SPINT2: variants seen among roughly 807,000 people sequenced by gnomAD.
SPINT2 encodes serine peptidase inhibitor, Kunitz type 2.
A neutral mutation model predicts 30.1 loss-of-function variants in SPINT2; 18 were observed. The ratio of observed to expected loss-of-function variants is 0.60; its 90% confidence interval spans 0.41 to 0.89. The LOEUF is 0.89. SPINT2 is among the 40% of genes least tolerant of loss of function. The pLI is 0.00. For missense variants in SPINT2, 276 were observed against 334.3 expected, an observed-to-expected ratio of 0.83 and a Z score of 1.36; for synonymous variants, 139 against 137.9, an observed-to-expected ratio of 1.01 and a Z score of -0.05.
At position 38,290,903 on chromosome 19, in the gene SPINT2, G is replaced by A; in HGVS notation, c.592+328G>A. ...TGTGGAGGGAGCGCTGCTATGTGGGGCATAAGAGTTGGTCACGGGTGACAG... is the reference window on the plus strand; with the variant it reads ...TGTGGAGGGAGCGCTGCTATGTGGGACATAAGAGTTGGTCACGGGTGACAG... On this transcript the variant is annotated intron_variant, in intron 6 of 6. Transcript: ENST00000301244. This position sits in a 1 kb window ranked among gnomAD's most constrained non-coding sequence, Gnocchi z 4.3. 2.2e-6 allele frequency: 1 copy of A among 453,898 alleles called. No homozygotes were observed. Among genetic ancestry groups the A allele is most frequent in the East Asian group, 4.5e-5 (1 of 22,146 alleles). The allele number at this position is 453,898 out of a possible 1,614,324, so 28.1% of individuals were successfully genotyped here.
At chr19:38,274,751 G>C (rs1968495830) in intron 1 of SPINT2, among the ~76,000 whole-genome samples, 1 of 151,698 alleles carries the variant, frequency 6.6e-6, no homozygotes. Flanking sequence ...GGAGGCAGAG[G>C]TTGCAGTGAG....
intron 3 of SPINT2, 51 bp from the exon 4 acceptor site, chr19:38,289,087 C>G (rs1169520631): frequency 6.3e-7 from 1 of 1,575,882 alleles, no homozygotes; most frequent in East Asian, 2.2e-5. Context: ...CCAGCTAGGC[C>G]TGTGTCCTGT....
intron 1 of SPINT2, among the ~76,000 whole-genome samples, chr19:38,271,004 G>C (rs555698570): frequency 2.2e-4 from 33 of 152,238 alleles, no homozygotes; most frequent in African/African-American, 7.9e-4. Context: ...TCATTTCATG[G>C]TTTTTTTCTG....
intron 1 of SPINT2, among the ~76,000 whole-genome samples, chr19:38,268,381 A>C (rs763431540): frequency 7.2e-5 from 11 of 152,034 alleles, no homozygotes; most frequent in Non-Finnish European, 1.5e-4. Flanking sequence ...TAAACTGTCC[A>C]CTCCCAGGAA....
At chr19:38,285,795 C>T (rs931019761) in intron 2 of SPINT2, among the ~76,000 whole-genome samples, 2 of 152,154 alleles carry the variant, frequency 1.3e-5, no homozygotes, top group African/African-American at 2.4e-5. Flanking sequence ...GTATTTCTAT[C>T]GTCAGCTGTG....
chr19:38,290,585 C>T lies in SPINT2; in HGVS notation c.592+10C>T, dbSNP rs546798985. 3.1e-6 allele frequency: 5 copies of T among 1,613,636 alleles called. No homozygotes were observed. The highest frequency in any genetic ancestry group is 4.2e-6 in the Non-Finnish European group (5 of 1,179,858). On this transcript the variant is annotated intron_variant, in intron 6 of 6. Transcript: ENST00000301244. This position sits in a 1 kb window ranked among gnomAD's most constrained non-coding sequence, Gnocchi z 4.3. The stretch of plus-strand genomic sequence containing the variant: ...CCCCTTGGCTCAAAGGGTAAGTGGC[C>T]CCTTACCCTCCTCCTGCCATCAGCC...
chr19:38,283,866 G>T (rs1968611463), intron 2 of SPINT2, 69 bp downstream of exon 2: 1 of 1,372,808 alleles, frequency 7.3e-7, no homozygotes, highest in Non-Finnish European at 9.7e-7. Flanking sequence ...TTTTGAGACG[G>T]AGTCTTGCTC....
chr19:38,288,393 C>T (rs979647164), intron 3 of SPINT2: 6 of 299,528 alleles, frequency 2.0e-5, no homozygotes, highest in African/African-American at 4.3e-5. Flanking sequence ...CCCGCCACTG[C>T]AGCTTGTGAT....
chr19:38,289,280 A>T (rs1331710358), intron 4 of SPINT2, 89 bp downstream of exon 4: 2 of 1,114,086 alleles, frequency 1.8e-6, no homozygotes, highest in African/African-American at 3.1e-5. Context: ...CGAGGTCAGG[A>T]TATCAAGACC....
At chr19:38,277,739 T>TC (rs1244743099) in intron 1 of SPINT2, among the ~76,000 whole-genome samples, 1 of 152,244 alleles carries the variant, frequency 6.6e-6, no homozygotes, top group Non-Finnish European at 1.5e-5. Context: ...ACATTCAGAA[T>TC]GCCTGCGAGG....
chr19:38,276,250 G>A (rs1309239015), intron 1 of SPINT2, among the ~76,000 whole-genome samples: 1 of 152,186 alleles, frequency 6.6e-6, no homozygotes, highest in Non-Finnish European at 1.5e-5. Flanking sequence ...TGTCCTGCAC[G>A]TGGTGAGGCA....
rs1191837819 is a variant in SPINT2, at chr19:38,288,086, C to T, written c.337+151C>T. ...CCGGGGGCTCTGCCTGGGCTGCCGG[C>T]TTCTGGCTCCAGCATCCTTATGGGG... On this transcript the variant is annotated intron_variant, in intron 3 of 6. Coordinates refer to ENST00000301244, the MANE Select transcript of SPINT2 (RefSeq NM_021102.4). 4 of 813,252 alleles carry T rather than the reference C, an allele frequency of 4.9e-6. No individual in the cohort carries two copies. In the African/African-American group the frequency reaches 6.8e-5, roughly 14 times the overall value. The allele number at this position is 813,252 out of a possible 1,614,324, so 50.4% of individuals were successfully genotyped here.
In SPINT2 at chr19:38,290,484, G is replaced by T; in HGVS notation, c.554-53G>T. On this transcript the variant is annotated intron_variant, in intron 5 of 6. Transcript: ENST00000301244. This position sits in a 1 kb window ranked among gnomAD's most constrained non-coding sequence, Gnocchi z 4.3. ...CTGGCTGAGGGGATCCCCTGCGGCA[G>T]CTCTGTGGAATGGGGGCTGTGAGCT... is the stretch of plus-strand genomic sequence containing the variant. 2 of 1,613,762 alleles carry T rather than the reference G, an allele frequency of 1.2e-6. No homozygotes were observed. The highest frequency in any genetic ancestry group is 2.2e-5 in the South Asian group (2 of 91,078).
chr19:38,268,349 A>C (rs986266798), intron 1 of SPINT2, among the ~76,000 whole-genome samples: 8 of 152,260 alleles, frequency 5.3e-5, no homozygotes, highest in Non-Finnish European at 7.4e-5. Context: ...TACCGTCTGG[A>C]GTGGAAAGCA....
Position 38,264,968 on chromosome 19 carries a change from C to T in SPINT2, c.76C>T (p.Leu26=). The stretch of plus-strand genomic sequence containing the variant: ...GGGATCGCTGCTCCTCTCTGGGGTC[C>T]TGGCGGCCGACCGAGAACGCAGCAT... ...LLGSLLLSGV[L]AADRERSIHD... is the part of the protein sequence containing the mutation. Residue 26 remains leucine (L), a synonymous_variant, in exon 1 of 7, where the codon CTG becomes TTG. Transcript: ENST00000301244. The T allele has an allele frequency of 6.5e-7, 1 of 1,535,186 alleles. No individual in the cohort carries two copies. The highest frequency in any genetic ancestry group is 8.7e-7 in the Non-Finnish European group (1 of 1,145,026).
At chr19:38,267,290 C>T (rs1968391004) in intron 1 of SPINT2, among the ~76,000 whole-genome samples, 2 of 152,100 alleles carry the variant, frequency 1.3e-5, no homozygotes, top group East Asian at 1.9e-4. Context: ...TTTCCTCGCT[C>T]CTTCCTGATT....
chr19:38,291,728 G>C, intron 6 of SPINT2, 112 bp from the exon 7 acceptor site: 1 of 1,327,282 alleles, frequency 7.5e-7, no homozygotes, highest in East Asian at 2.5e-5. Context: ...TTGGGGAGGG[G>C]CATTTGGTCC....
chr19:38,271,896 T>C (rs1968461476), intron 1 of SPINT2, among the ~76,000 whole-genome samples: 1 of 152,108 alleles, frequency 6.6e-6, no homozygotes, highest in Non-Finnish European at 1.5e-5. Flanking sequence ...GATTCCTGAC[T>C]GGGCCCAGGG....
chr19:38,279,366 G>A (rs570204981), intron 1 of SPINT2, among the ~76,000 whole-genome samples: 5 of 151,736 alleles, frequency 3.3e-5, no homozygotes, highest in Non-Finnish European at 5.9e-5. Context: ...GTGTGATGGC[G>A]CAGTCCTATA....
Sources: allele counts gnomAD v4.1 joint callset (sites outside exome capture counted in the v4.1 genomes callset), GRCh38; gene constraint gnomAD v4.1.1; non-coding constraint Gnocchi (gnomAD v3.1); transcripts MANE v1.5; gene names NCBI Gene and HGNC (gene_info 2026-07-23, HGNC 2026-07-21).